Variants in DNAJC3 observed in about 807,000 individuals in gnomAD.
The protein encoded by DNAJC3 is DnaJ heat shock protein family (Hsp40) member C3.
A neutral mutation model predicts 68.6 loss-of-function variants in DNAJC3; 38 were observed. That is an observed-to-expected ratio of 0.55 (90% CI 0.43 to 0.73). DNAJC3 has a LOEUF of 0.73. Ranked by LOEUF, DNAJC3 falls within the 30% of genes least tolerant of loss-of-function variation. The pLI, the probability that DNAJC3 is intolerant of heterozygous loss-of-function variation, is 0.00. For missense variants in DNAJC3, 526 were observed against 591.9 expected, an observed-to-expected ratio of 0.89 and a Z score of 1.16; for synonymous variants, 203 against 204.0, an observed-to-expected ratio of 1.00 and a Z score of 0.04.
chr13:95,743,757 T>G (rs890620734), intron 4 of DNAJC3, among the ~76,000 whole-genome samples: 19 of 152,220 alleles, frequency 1.2e-4, no homozygotes, highest in African/African-American at 4.3e-4. Flanking sequence ...TAGGATTTTG[T>G]CATGTTGGCC....
intron 4 of DNAJC3, among the ~76,000 whole-genome samples, chr13:95,737,537 G>T (rs1245824081): frequency 6.6e-6 from 1 of 151,712 alleles, no homozygotes; most frequent in African/African-American, 2.4e-5. Context: ...ACTTCTTCCT[G>T]GTTTAGTCTT....
chr13:95,793,482 C>CTTTTTATTTTT lies in DNAJC3; in HGVS notation c.*2457_*2458insATTTTTTTTTT, dbSNP rs1883853553. ...TTGGGGACTACAGGTGCCAGGTAAC[C>CTTTTTATTTTT]TTTTTTTTTTTTTTTTTTTTTTTTT... On this transcript the variant is annotated 3_prime_UTR_variant, in exon 12 of 12. Coordinates refer to ENST00000602402, the MANE Select transcript of DNAJC3 (RefSeq NM_006260.5). The CTTTTTATTTTT allele has an allele frequency of 2.1e-5, 2 of 96,222 alleles. No homozygotes were observed. Among genetic ancestry groups the CTTTTTATTTTT allele is most frequent in the Non-Finnish European group, 4.0e-5 (2 of 50,582 alleles). 6.0% of individuals were successfully genotyped at this position (96,222 alleles called of 1,614,324 possible).
rs766359824 is a variant in DNAJC3, at chr13:95,794,531, C to A, written c.*3501C>A. ...TTTGCCAACAACGAATATCCTTTTT[C>A]TAAATCAGATCATTCCTTTTTTGTT... On this transcript the variant is annotated 3_prime_UTR_variant, in exon 12 of 12. Coordinates refer to ENST00000602402, the MANE Select transcript of DNAJC3 (RefSeq NM_006260.5). 6.6e-6 allele frequency: 1 copy of A among 152,216 alleles called. No individual in the cohort carries two copies. Among genetic ancestry groups the A allele is most frequent in the African/African-American group, 2.4e-5 (1 of 41,460 alleles). 9.4% of individuals were successfully genotyped at this position (152,216 alleles called of 1,614,324 possible).
intron 9 of DNAJC3, among the ~76,000 whole-genome samples, chr13:95,774,874 CTCTTATAGACA>C (rs1257296003): frequency 2.0e-5 from 3 of 152,198 alleles, no homozygotes; most frequent in East Asian, 1.9e-4. Context: ...ATAAGTATGT[CTCTTATAGACA>C]TCATGTAGTT....
At chr13:95,754,906 G>A (rs1010199557) in intron 4 of DNAJC3, among the ~76,000 whole-genome samples, 4 of 152,140 alleles carry the variant, frequency 2.6e-5, no homozygotes, top group Non-Finnish European at 5.9e-5. Flanking sequence ...GCTATTACGG[G>A]TTATTTTTCC....
chr13:95,756,872 G>A (rs1484593552), intron 4 of DNAJC3, among the ~76,000 whole-genome samples: 1 of 152,116 alleles, frequency 6.6e-6, no homozygotes, highest in Non-Finnish European at 1.5e-5. Flanking sequence ...GCTGGGGTTG[G>A]GAGTGGGGAT....
rs1378012070 is a variant in DNAJC3, at chr13:95,793,652, T to C, written c.*2622T>C. The C allele has an allele frequency of 6.6e-6, 1 of 152,484 alleles. No homozygotes were observed. Among genetic ancestry groups the C allele is most frequent in the Non-Finnish European group, 1.5e-5 (1 of 68,278 alleles). 9.4% of individuals were successfully genotyped at this position (152,484 alleles called of 1,614,324 possible). On this transcript the variant is annotated 3_prime_UTR_variant, in exon 12 of 12. Transcript: ENST00000602402. The stretch of plus-strand genomic sequence containing the variant: ...CTAATTTTTGTATTTTTAGTAGAAA[T>C]GGGGTTTCACTGTGTTAGCCAGGAT...
intron 7 of DNAJC3, among the ~76,000 whole-genome samples, chr13:95,762,272 T>A (rs9556496): frequency 0.53 from 80,688 of 151,838 alleles, 21,530 homozygotes; most frequent in East Asian, 0.65. Flanking sequence ...CTAAAAAAAA[T>A]GTTTTCTGTT....
At chr13:95,703,350 T>C (rs893010157) in intron 1 of DNAJC3, among the ~76,000 whole-genome samples, 3 of 152,218 alleles carry the variant, frequency 2.0e-5, no homozygotes, top group African/African-American at 7.2e-5. Flanking sequence ...CTGACAGTAC[T>C]TCAGTACTAT....
chr13:95,689,999 T>G (rs1880184458), intron 1 of DNAJC3, among the ~76,000 whole-genome samples: 1 of 152,138 alleles, frequency 6.6e-6, no homozygotes, highest in African/African-American at 2.4e-5. Flanking sequence ...TCTTTTTCTT[T>G]TTTTTATTGA....
chr13:95,729,839 T>C (rs1380854804), intron 4 of DNAJC3, among the ~76,000 whole-genome samples: 2 of 152,230 alleles, frequency 1.3e-5, no homozygotes, highest in African/African-American at 2.4e-5. Context: ...TGCCCATTTT[T>C]AAATGGGATT....
intron 4 of DNAJC3, among the ~76,000 whole-genome samples, chr13:95,730,290 A>T (rs1300528673): frequency 6.6e-6 from 1 of 152,100 alleles, no homozygotes; most frequent in African/African-American, 2.4e-5. Context: ...CACCATTCCC[A>T]GCCCAGAAGC....
At chr13:95,714,037 C>T (rs368786625) in intron 2 of DNAJC3, among the ~76,000 whole-genome samples, 4 of 152,248 alleles carry the variant, frequency 2.6e-5, no homozygotes, top group East Asian at 3.9e-4. Context: ...GAACTTCTAT[C>T]GTATGTACTC....
At chr13:95,686,060 C>G (rs1217283241) in intron 1 of DNAJC3, among the ~76,000 whole-genome samples, 2 of 151,928 alleles carry the variant, frequency 1.3e-5, no homozygotes, top group Admixed American at 1.3e-4. Context: ...CTCCCAGGTT[C>G]ACGCCATTCT....
intron 1 of DNAJC3, 135 bp downstream of exon 1, chr13:95,677,472 T>C: frequency 1.1e-6 from 1 of 898,666 alleles, no homozygotes; most frequent in South Asian, 2.1e-5. Context: ...GCGGCCTGGC[T>C]TGGGCCTGAG....
At chr13:95,767,782 T>G (rs1054836533) in intron 9 of DNAJC3, among the ~76,000 whole-genome samples, 2 of 150,842 alleles carry the variant, frequency 1.3e-5, no homozygotes, top group African/African-American at 4.9e-5. Flanking sequence ...CTCCATCTCC[T>G]GGGTTCAGCT....
At position 95,677,157 on chromosome 13, in the gene DNAJC3, G is replaced by A; in HGVS notation, c.-99G>A. 1 of 1,141,832 alleles carries A rather than the reference G, an allele frequency of 8.8e-7. No individual in the cohort carries two copies. The highest frequency in any genetic ancestry group is 1.2e-6 in the Non-Finnish European group (1 of 809,798). The allele number at this position is 1,141,832 out of a possible 1,614,324, so 70.7% of individuals were successfully genotyped here. ...GGGCTCCAGAGCCACTGAGGCCTGA[G>A]CGAGAGCCGACGGCGGGCGGGCGCA... On this transcript the variant is annotated 5_prime_UTR_variant, in exon 1 of 12. Coordinates refer to ENST00000602402, the MANE Select transcript of DNAJC3 (RefSeq NM_006260.5).
intron 9 of DNAJC3, among the ~76,000 whole-genome samples, chr13:95,784,781 A>C (rs1883547236): frequency 6.6e-6 from 1 of 152,084 alleles, no homozygotes; most frequent in Non-Finnish European, 1.5e-5. Context: ...TCTCTTCTGC[A>C]TATTAGATAC....
intron 2 of DNAJC3, among the ~76,000 whole-genome samples, chr13:95,710,861 A>AT (rs919289487): frequency 3.2e-4 from 48 of 150,174 alleles, no homozygotes; most frequent in African/African-American, 7.8e-4. Context: ...TAATTTTTGT[A>AT]TTTTTTTTTA....
Sources: allele counts gnomAD v4.1 joint callset (sites outside exome capture counted in the v4.1 genomes callset), GRCh38; gene constraint gnomAD v4.1.1; transcripts MANE v1.5; gene names NCBI Gene and HGNC (gene_info 2026-07-23, HGNC 2026-07-21).